Variants in CSTF3 observed in about 807,000 individuals in gnomAD.
CSTF3 encodes the protein cleavage stimulation factor subunit 3, also known as CF-1 77 kDa subunit.
CSTF3 carries 29 observed loss-of-function variants against 105.8 expected under a neutral mutation model. The ratio of observed to expected loss-of-function variants is 0.27; its 90% CI spans 0.20 to 0.37. CSTF3 has a LOEUF of 0.37. Among genes scored for constraint, CSTF3 ranks in the 10% least tolerant of loss-of-function variants. The pLI, the probability that CSTF3 is intolerant of heterozygous loss-of-function variation, is 1.00. For synonymous variants in CSTF3, 252 were observed against 281.9 expected, an observed-to-expected ratio of 0.89 and a Z score of 1.06; for missense variants, 357 against 879.3, an observed-to-expected ratio of 0.41 and a Z score of 7.51.
At chr11:33,120,494 C>T (rs920507734) in intron 3 of CSTF3, among the ~76,000 whole-genome samples, 2 of 151,814 alleles carry the variant, frequency 1.3e-5, no homozygotes, top group Non-Finnish European at 3.0e-5. Flanking sequence ...AGGTTTCAAT[C>T]ACTTGATATT....
At chr11:33,085,574 T>C in intron 20 of CSTF3, 139 bp downstream of exon 20, 1 of 741,262 alleles carries the variant, frequency 1.3e-6, no homozygotes, top group Non-Finnish European at 2.3e-6. Context: ...CAAAGAGGGT[T>C]TGGGTAACTC....
intron 1 of CSTF3, among the ~76,000 whole-genome samples, chr11:33,146,783 ATG>A (rs1426892573): frequency 6.6e-6 from 1 of 152,054 alleles, no homozygotes; most frequent in Non-Finnish European, 1.5e-5. Flanking sequence ...AGTGCCTAGT[ATG>A]TGTCAGACAT....
At chr11:33,135,656 A>C (rs1453934426) in intron 3 of CSTF3, among the ~76,000 whole-genome samples, 1 of 152,164 alleles carries the variant, frequency 6.6e-6, no homozygotes, top group Non-Finnish European at 1.5e-5. Flanking sequence ...TTTCTGACTT[A>C]AAACATTATG....
intron 1 of CSTF3, among the ~76,000 whole-genome samples, chr11:33,146,623 T>A (rs1326926340): frequency 6.9e-6 from 1 of 144,060 alleles, no homozygotes. Flanking sequence ...TGTAGTCACT[T>A]AAAAAAAAAA....
intron 1 of CSTF3, among the ~76,000 whole-genome samples, chr11:33,155,078 C>T (rs1035438011): frequency 1.3e-5 from 2 of 151,868 alleles, no homozygotes; most frequent in African/African-American, 4.8e-5. Flanking sequence ...GATCTTGGGC[C>T]GGGCATGGTG....
intron 3 of CSTF3, among the ~76,000 whole-genome samples, chr11:33,121,252 C>T (rs550914911): frequency 2.4e-4 from 36 of 151,976 alleles, no homozygotes; most frequent in South Asian, 1.7e-3. Flanking sequence ...AAGATTTAGA[C>T]GTGAATTTCT....
chr11:33,135,299 T>C (rs1855642146), intron 3 of CSTF3, among the ~76,000 whole-genome samples: 1 of 152,176 alleles, frequency 6.6e-6, no homozygotes, highest in Admixed American at 6.5e-5. Flanking sequence ...CTCGATTATA[T>C]ACAAAAAGCA....
chr11:33,141,964 T>C lies in CSTF3; in HGVS notation c.50A>G (p.Lys17Arg). 6 of 1,613,068 alleles carry C rather than the reference T, an allele frequency of 3.7e-6. No homozygotes were observed. Among genetic ancestry groups the C allele is most frequent in the Non-Finnish European group, 5.1e-6 (6 of 1,179,666 alleles). Residue 17 changes from lysine (K) to arginine (R), a missense_variant, in exon 2 of 21, where the codon AAG becomes AGG. Lys to Arg is a conservative substitution (Grantham distance 26). This residue lies in a region of CSTF3 where 78 missense variants were observed against 180.4 expected (regional missense o/e 0.43). Transcript: ENST00000323959. ...TEQAAEYVPE[K>R]VKKAEKKLEE... ...TAATTTCTTTTCCGCTTTCTTCACC[T>C]TCTCTGGGACATACTCAGCTGCCTG...
chr11:33,150,303 T>C (rs1319158578), intron 1 of CSTF3, among the ~76,000 whole-genome samples: 1 of 151,772 alleles, frequency 6.6e-6, no homozygotes, highest in African/African-American at 2.4e-5. Context: ...CTGCTTAGTG[T>C]AGCAAGAACA....
intron 15 of CSTF3, among the ~76,000 whole-genome samples, chr11:33,095,002 G>A (rs1410886906): frequency 2.6e-5 from 4 of 152,058 alleles, no homozygotes; most frequent in Admixed American, 1.3e-4. Flanking sequence ...GGGTTCAAGC[G>A]ATTCTCCTGC....
chr11:33,095,832 A>T, intron 15 of CSTF3, among the ~76,000 whole-genome samples: 1 of 149,746 alleles, frequency 6.7e-6, no homozygotes, highest in Non-Finnish European at 1.5e-5. Context: ...ATAAATAAAT[A>T]AATAAATAAA....
intron 8 of CSTF3, among the ~76,000 whole-genome samples, chr11:33,104,837 A>G (rs745776442): frequency 1.1e-4 from 16 of 152,210 alleles, no homozygotes; most frequent in Admixed American, 7.9e-4. Flanking sequence ...AAGTTTGAAA[A>G]CCACAGCTGA....
At chr11:33,140,232 G>C (rs1247042921) in intron 3 of CSTF3, among the ~76,000 whole-genome samples, 1 of 151,952 alleles carries the variant, frequency 6.6e-6, no homozygotes, top group Admixed American at 6.6e-5. Context: ...AAAGCAGCAC[G>C]GGCTTCAGCA....
In CSTF3 at chr11:33,120,342, G is replaced by T. The variant is rs1262590043; in HGVS notation, c.226-11924C>A. Among the ~76,000 whole-genome samples, 6 of 151,926 alleles carry T rather than the reference G, an allele frequency of 3.9e-5. No homozygotes were observed. In the East Asian group the frequency reaches 1.2e-3, roughly 29 times the overall value. On this transcript the variant is annotated intron_variant, in intron 3 of 20. Transcript: ENST00000323959. ...AAAAGTTAACTGTGATTAAGTTATA[G>T]TTCAAAGGTAGTGGGAATATGGTTT...
rs1554949123 is a variant in CSTF3, at chr11:33,099,588, G to C, written c.936+20C>G. ...AAAACCACAAAAATATCAAAGTGGGGATAGGGAAGGAACACTTACTCCCTT... is the reference window on the plus strand; with the variant it reads ...AAAACCACAAAAATATCAAAGTGGGCATAGGGAAGGAACACTTACTCCCTT... On this transcript the variant is annotated intron_variant, in intron 11 of 20. Coordinates refer to ENST00000323959, the MANE Select transcript of CSTF3 (RefSeq NM_001326.3). The surrounding 1 kb of genome is among the most constrained non-coding windows in gnomAD (Gnocchi z 4.1). 1 of 1,461,700 alleles carries C rather than the reference G, an allele frequency of 6.8e-7. No individual in the cohort carries two copies. The highest frequency in any genetic ancestry group is 2.3e-5 in the East Asian group (1 of 43,846). 90.5% of individuals were successfully genotyped at this position (1,461,700 alleles called of 1,614,324 possible). A position where few individuals can be genotyped will look rare whatever the true frequency, so the allele number is the denominator to read the frequency against.
intron 5 of CSTF3, among the ~76,000 whole-genome samples, chr11:33,106,893 C>T (rs1330544039): frequency 6.6e-6 from 1 of 152,096 alleles, no homozygotes; most frequent in Non-Finnish European, 1.5e-5. Context: ...ATGTAGAAAT[C>T]TGGAAAGTAT....
At chr11:33,129,255 C>T (rs1855574243) in intron 3 of CSTF3, among the ~76,000 whole-genome samples, 1 of 152,096 alleles carries the variant, frequency 6.6e-6, no homozygotes, top group African/African-American at 2.4e-5. Flanking sequence ...CCACACCTGG[C>T]TAATTTTTGT....
chr11:33,139,472 T>G (rs1366773855), intron 3 of CSTF3, among the ~76,000 whole-genome samples: 2 of 151,960 alleles, frequency 1.3e-5, no homozygotes, highest in African/African-American at 4.8e-5. Flanking sequence ...TAAATAGGTT[T>G]GTGTCTTCTC....
chr11:33,097,470 A>G (rs1485368231), intron 13 of CSTF3, among the ~76,000 whole-genome samples: 2 of 152,152 alleles, frequency 1.3e-5, no homozygotes, highest in Non-Finnish European at 2.9e-5. Context: ...CCTGGGGTCA[A>G]GCCATTCTCC....
Sources: gnomAD v4.1 joint callset for allele counts (sites outside exome capture counted in the v4.1 genomes callset) on GRCh38, gnomAD v4.1.1 for gene constraint, gnomAD v4.1.1 regional missense constraint, Gnocchi (gnomAD v3.1) non-coding constraint, MANE v1.5 for transcripts, NCBI Gene and HGNC (gene_info 2026-07-23, HGNC 2026-07-21) for gene names.